Variants in CD2AP observed in about 807,000 individuals in gnomAD.
CD2AP encodes the protein CD2 associated protein, also known as CD2-associated protein.
In CD2AP, 46 loss-of-function variants were observed where a neutral mutation model predicts 85.1. That is an observed-to-expected ratio of 0.54 (90% CI 0.43 to 0.69). The LOEUF is 0.69. Among genes scored for constraint, CD2AP ranks in the 30% least tolerant of loss-of-function variants. The pLI is 0.00. For missense variants in CD2AP, 769 were observed against 729.5 expected (o/e 1.05, Z -0.62); for synonymous variants, 255 against 252.9 (o/e 1.01, Z -0.08).
chr6:47,586,114 T>A (rs1236796993), intron 11 of CD2AP, among the ~76,000 whole-genome samples: 1 of 151,956 alleles, frequency 6.6e-6, no homozygotes, highest in Non-Finnish European at 1.5e-5. Context: ...ATGACAGAGA[T>A]GGTGGAGATA....
At chr6:47,613,940 G>A (rs1038893259) in intron 17 of CD2AP, among the ~76,000 whole-genome samples, 1 of 152,140 alleles carries the variant, frequency 6.6e-6, no homozygotes. Flanking sequence ...CATGGAGATG[G>A]CTTCTTAAAC....
chr6:47,562,006 C>T (rs1767875470), intron 5 of CD2AP, among the ~76,000 whole-genome samples: 2 of 152,118 alleles, frequency 1.3e-5, no homozygotes, highest in African/African-American at 4.8e-5. Flanking sequence ...CCTCGTGATC[C>T]GCCCACCTCG....
intron 13 of CD2AP, among the ~76,000 whole-genome samples, chr6:47,605,449 G>T (rs1387556598): frequency 6.6e-6 from 1 of 151,872 alleles, no homozygotes; most frequent in East Asian, 1.9e-4. Context: ...TCAGAGGTCA[G>T]CCAGCCTTTG....
chr6:47,503,501 A>T lies in CD2AP; in HGVS notation c.165+61A>T. On this transcript the variant is annotated intron_variant, in intron 2 of 17. Coordinates refer to ENST00000359314, the MANE Select transcript of CD2AP (RefSeq NM_012120.3). ...CATAGGATTTAATCTTTAAATGTTA[A>T]GAAATAGATATACTTTTAAAATTAA... 2.2e-6 allele frequency: 3 copies of T among 1,339,178 alleles called. No homozygotes were observed. The South Asian group carries it at 3.6e-5, about 16-fold the overall frequency. The allele number at this position is 1,339,178 out of a possible 1,614,324, so 83.0% of individuals were successfully genotyped here. A position where few individuals can be genotyped will look rare whatever the true frequency, so the allele number is the denominator to read the frequency against.
intron 17 of CD2AP, among the ~76,000 whole-genome samples, chr6:47,620,278 C>T (rs372058363): frequency 3.9e-5 from 6 of 152,114 alleles, no homozygotes; most frequent in South Asian, 2.1e-4. Flanking sequence ...CTCCTACATG[C>T]GGCTAGCCAA....
At chr6:47,485,879 A>G (rs1765554816) in intron 1 of CD2AP, among the ~76,000 whole-genome samples, 1 of 152,230 alleles carries the variant, frequency 6.6e-6, no homozygotes, top group Non-Finnish European at 1.5e-5. Flanking sequence ...TAGGAGCAAT[A>G]GGCTATACCC....
rs118101228 is a variant in CD2AP, at chr6:47,550,094, A to G, written c.421-4552A>G. ...TCAAGGACTTAAATCTAAGACCTGA[A>G]ACTGTAACAGTTCTTGAAGATAACA... is the stretch of plus-strand genomic sequence containing the variant. On this transcript the variant is annotated intron_variant, in intron 4 of 17. Transcript: ENST00000359314. Among the ~76,000 whole-genome samples, 296 of 152,324 alleles carry G rather than the reference A, an allele frequency of 1.9e-3. 8 individuals carry two copies. The East Asian group carries it at 0.04, about 20-fold the overall frequency.
rs760472374 is a variant in CD2AP, at chr6:47,609,171, A to G, written c.1681A>G (p.Thr561Ala). 1.3e-5 allele frequency: 21 copies of G among 1,613,236 alleles called. No individual in the cohort carries two copies. Among genetic ancestry groups the G allele is most frequent in the African/African-American group, 2.7e-5 (2 of 74,852 alleles). ...TTCCAGTGCTTCTAAAGCAAATACA[A>G]CTGCTTTCCTGACTCCATTAGAAAT... ...TPSSASKANT[T>A]AFLTPLEIKA... The change falls in exon 16 of 18, where the codon ACT becomes GCT. Residue 561 changes from threonine to alanine, a missense_variant. Coordinates refer to ENST00000359314, the MANE Select transcript of CD2AP (RefSeq NM_012120.3).
At chr6:47,593,201 T>TA (rs1417800793) in intron 11 of CD2AP, among the ~76,000 whole-genome samples, 2 of 152,152 alleles carry the variant, frequency 1.3e-5, no homozygotes, top group African/African-American at 4.8e-5. Context: ...TTGTTCTTTT[T>TA]AGACTATGTC....
chr6:47,622,933 T>G (rs1164896877), intron 17 of CD2AP, among the ~76,000 whole-genome samples: 1 of 152,238 alleles, frequency 6.6e-6, no homozygotes, highest in Non-Finnish European at 1.5e-5. Flanking sequence ...TGATTATGCA[T>G]GCAGTAGTAG....
chr6:47,547,081 A>G (rs183012683), intron 4 of CD2AP, among the ~76,000 whole-genome samples: 111 of 152,342 alleles, frequency 7.3e-4, no homozygotes, highest in African/African-American at 2.5e-3. Context: ...TCTTTGAAGC[A>G]TAAATCTCAC....
At chr6:47,539,832 G>A (rs553716784) in intron 3 of CD2AP, among the ~76,000 whole-genome samples, 6 of 151,948 alleles carry the variant, frequency 3.9e-5, no homozygotes, top group East Asian at 3.8e-4. Flanking sequence ...GACAATTTTT[G>A]TACAATTAAT....
In CD2AP at chr6:47,624,557, T is replaced by G; in HGVS notation, c.*330T>G. On this transcript the variant is annotated 3_prime_UTR_variant, in exon 18 of 18. Transcript: ENST00000359314. ...CTTGTATTATTTTTAAAGAGATCTA[T>G]ACTATAAATATGGTGATATATTTAC... 3.8e-6 allele frequency: 1 copy of G among 260,628 alleles called. No homozygotes were observed. The highest frequency in any genetic ancestry group is 7.3e-6 in the Non-Finnish European group (1 of 137,480). The allele number at this position is 260,628 out of a possible 1,614,324, so 16.1% of individuals were successfully genotyped here.
rs1278870947 is a variant in CD2AP at position 47,571,056 on chromosome 6, C to T, written c.542-3008C>T. Among the ~76,000 whole-genome samples, 5 of 151,908 alleles carry T rather than the reference C, an allele frequency of 3.3e-5. No individual in the cohort carries two copies. In the South Asian group the frequency reaches 1.0e-3, roughly 32 times the overall value. On this transcript the variant is annotated intron_variant, in intron 5 of 17. Coordinates refer to ENST00000359314, the MANE Select transcript of CD2AP (RefSeq NM_012120.3). ...TTTGTTTTATGGCCTTAATCAAATA[C>T]TCAAACTGTGAAAATTGTACTTTAG...
At chr6:47,581,896 G>T (rs1326636137) in intron 10 of CD2AP, 107 bp from the exon 11 acceptor site, 9 of 770,030 alleles carry the variant, frequency 1.2e-5, no homozygotes, top group Non-Finnish European at 4.6e-6. Flanking sequence ...TTAAACCATG[G>T]TTTCATCTGA....
intron 16 of CD2AP, chr6:47,609,661 T>C (rs1769377018): frequency 5.2e-6 from 1 of 190,850 alleles, no homozygotes; most frequent in Non-Finnish European, 1.1e-5. Flanking sequence ...AACATGCCAG[T>C]GCGCTCCAGC....
At chr6:47,498,377 T>C (rs901715865) in intron 1 of CD2AP, among the ~76,000 whole-genome samples, 2 of 152,184 alleles carry the variant, frequency 1.3e-5, no homozygotes, top group African/African-American at 4.8e-5. Flanking sequence ...TCTAGGATCG[T>C]TTATTGTTAT....
chr6:47,582,125 G>T (rs753799824), intron 11 of CD2AP, 60 bp downstream of exon 11: 1 of 1,050,272 alleles, frequency 9.5e-7, no homozygotes, highest in South Asian at 1.3e-5. Context: ...ATTTTAAAGA[G>T]AATTATTTCT....
At chr6:47,527,642 G>T (rs1034606382) in intron 2 of CD2AP, among the ~76,000 whole-genome samples, 12 of 152,184 alleles carry the variant, frequency 7.9e-5, no homozygotes, top group Middle Eastern at 3.2e-3. Context: ...ATAGCATCTG[G>T]TATGTGGTGA....
Sources: gnomAD v4.1 joint callset for allele counts (sites outside exome capture counted in the v4.1 genomes callset) on GRCh38, gnomAD v4.1.1 for gene constraint, MANE v1.5 for transcripts, NCBI Gene and HGNC (gene_info 2026-07-23, HGNC 2026-07-21) for gene names.